The following ANKRD23 variants were observed in gnomAD, a reference collection of about 807,000 sequenced individuals.
ANKRD23 encodes ankyrin repeat domain 23, also known as ankyrin repeat domain-containing protein 23.
In ANKRD23, 52 loss-of-function variants were observed where a neutral mutation model predicts 38.1. The ratio of observed to expected loss-of-function variants is 1.36; its 90% CI spans 1.09 to 1.72. ANKRD23 has a LOEUF of 1.72. Among genes scored for constraint, ANKRD23 ranks in the 40% most tolerant of loss-of-function variants. The pLI, the probability that ANKRD23 is intolerant of heterozygous loss-of-function variation, is 0.00. For synonymous variants in ANKRD23, 167 were observed against 162.9 expected (o/e 1.03, Z -0.19); for missense variants, 416 against 400.2 (o/e 1.04, Z -0.34).
chr2:96,840,313 C>T lies in ANKRD23; in HGVS notation c.543G>A (p.Val181=), dbSNP rs770871544. The change falls in exon 6 of 9, where the codon GTG becomes GTA. Residue 181 remains valine, a synonymous_variant. Coordinates refer to ENST00000318357, the MANE Select transcript of ANKRD23 (RefSeq NM_144994.8). The part of the protein sequence containing the change: ...DARDLLDRTP[V]FWACRGGHLV... ...GATGTCCTCCGCGGCAGGCCCAGAACACAGGTGTCCTGTCCAGCTGCAAAA... is the reference window on the plus strand; with the variant it reads ...GATGTCCTCCGCGGCAGGCCCAGAATACAGGTGTCCTGTCCAGCTGCAAAA... 1 of 1,608,128 alleles carries T rather than the reference C, an allele frequency of 6.2e-7. No individual in the cohort carries two copies. Among genetic ancestry groups the T allele is most frequent in the South Asian group, 1.1e-5 (1 of 90,040 alleles).
Position 96,838,819 on chromosome 2 carries a change from A to G in ANKRD23, c.*730T>C, listed in dbSNP as rs912888579. The G allele has an allele frequency of 6.1e-6, 6 of 985,450 alleles. No individual in the cohort carries two copies. Among genetic ancestry groups the G allele is most frequent in the Non-Finnish European group, 7.2e-6 (6 of 830,028 alleles). 61.0% of individuals were successfully genotyped at this position (985,450 alleles called of 1,614,324 possible). A position where few individuals can be genotyped will look rare whatever the true frequency, so the allele number is the denominator to read the frequency against. On this transcript the variant is annotated 3_prime_UTR_variant, in exon 9 of 9. Transcript: ENST00000318357. ...TTCTCTCAAATGCGCGCTCCAGCTC[A>G]TCAGTCTTAGGGCTTCTGAGGCAAC... is the stretch of plus-strand genomic sequence containing the variant.
chr2:96,841,517 T>C (rs2079760361), intron 3 of ANKRD23, among the ~76,000 whole-genome samples: 1 of 143,740 alleles, frequency 7.0e-6, no homozygotes. Flanking sequence ...GAGAATGGCA[T>C]GAACCCGGGA....
At position 96,842,422 on chromosome 2, in the gene ANKRD23, G is replaced by T. The variant is rs1302119130; in HGVS notation, c.117C>A (p.Gly39=). Residue 39 remains glycine, a synonymous_variant, in exon 2 of 9, where the codon GGC becomes GGA. Transcript: ENST00000318357. ...PGAWPSDWRR[G]PQEAVAREKL... is the part of the protein sequence containing the mutation. ...TCTCCCGGGCCACAGCCTCTTGGGG[G>T]CCCCTCCTCCAGTCACTAGGCCAGG... 2 of 1,613,774 alleles carry T rather than the reference G, an allele frequency of 1.2e-6. No individual in the cohort carries two copies. Among genetic ancestry groups the T allele is most frequent in the Non-Finnish European group, 8.5e-7 (1 of 1,180,020 alleles).
chr2:96,843,819 T>C, intron 1 of ANKRD23, 147 bp downstream of exon 1: 8 of 807,858 alleles, frequency 9.9e-6, no homozygotes, highest in Non-Finnish European at 1.5e-5. Context: ...TTTCAAAAAA[T>C]ACAGATTTTT....
intron 1 of ANKRD23, 29 bp from the exon 2 acceptor site, chr2:96,842,540 T>G: frequency 6.3e-7 from 1 of 1,587,728 alleles, no homozygotes; most frequent in East Asian, 2.2e-5. Context: ...AGTACTGAGT[T>G]GGGAAAATTG....
rs147978079 is a variant in ANKRD23 at position 96,840,284 on chromosome 2, A to G, written c.572T>C (p.Val191Ala). The change falls in exon 6 of 9, where the codon GTC becomes GCC. Residue 191 changes from valine (V) to alanine (A), a missense_variant. Val to Ala is a moderately conservative substitution (Grantham distance 64). Transcript: ENST00000318357. The stretch of plus-strand genomic sequence containing the variant: ...CTGGTTAAGCAGCTGTTTGAGGATG[A>G]CCAGATGTCCTCCGCGGCAGGCCCA... Reference protein sequence around the residue: ...VFWACRGGHLVILKQLLNQGA... With the variant: ...VFWACRGGHLAILKQLLNQGA... The G allele has an allele frequency of 4.3e-6, 7 of 1,611,000 alleles. No individual in the cohort carries two copies. The highest frequency in any genetic ancestry group is 5.1e-6 in the Non-Finnish European group (6 of 1,178,530).
Position 96,839,024 on chromosome 2 carries a change from C to G in ANKRD23, c.*525G>C. On this transcript the variant is annotated 3_prime_UTR_variant, in exon 9 of 9. Transcript: ENST00000318357. ...CAGAGAAAGCCATGCCCACAGGCAT[C>G]CACCAGCTGCAGACAGGCCCGGCCC... The G allele has an allele frequency of 1.0e-6, 1 of 986,064 alleles. No individual in the cohort carries two copies. The highest frequency in any genetic ancestry group is 4.7e-5 in the South Asian group (1 of 21,300). 61.1% of individuals were successfully genotyped at this position (986,064 alleles called of 1,614,324 possible). A position where few individuals can be genotyped will look rare whatever the true frequency, so the allele number is the denominator to read the frequency against.
At chr2:96,840,756 G>T in intron 4 of ANKRD23, 31 bp downstream of exon 4, 2 of 1,613,118 alleles carry the variant, frequency 1.2e-6, no homozygotes, top group Non-Finnish European at 1.7e-6. Context: ...AGCTGCAGCT[G>T]CTGCCAGCCG....
chr2:96,843,080 G>T (rs760198030), intron 1 of ANKRD23, among the ~76,000 whole-genome samples: 2 of 152,208 alleles, frequency 1.3e-5, no homozygotes, highest in Admixed American at 1.3e-4. Context: ...CAAAGCCTCC[G>T]TAGCAAACAC....
Position 96,842,135 on chromosome 2 carries a change from C to G in ANKRD23, c.225G>C (p.Leu75Phe). The G allele has an allele frequency of 6.2e-7, 1 of 1,614,190 alleles. No homozygotes were observed. Among genetic ancestry groups the G allele is most frequent in the Non-Finnish European group, 8.5e-7 (1 of 1,180,038 alleles). Residue 75 changes from leucine (L) to phenylalanine (F), a missense_variant, in exon 3 of 9, where the codon TTG becomes TTC. Physicochemically the swap from Leu to Phe is conservative, Grantham distance 22. Coordinates refer to ENST00000318357, the MANE Select transcript of ANKRD23 (RefSeq NM_144994.8). ...TTTTCCGTCTTTGAACCAAGTTTTC[C>G]AAGTCAGCCAGGTTATCCAGATTAA... ...TRFNLDNLAD[L>F]ENLVQRRKKR...
In ANKRD23 at chr2:96,844,001, CT is replaced by C. The variant is rs1319532869; in HGVS notation, c.-10del. The C allele has an allele frequency of 1.5e-5, 24 of 1,599,784 alleles. No individual in the cohort carries two copies. The highest frequency in any genetic ancestry group is 1.2e-4 in the East Asian group (5 of 43,400). ...ATGCTGATGAAGTCCATGGTCCCCC[CT>C]GTTCCTCACACCCCCCAGTGAGAAG... On this transcript the variant is annotated 5_prime_UTR_variant, in exon 1 of 9. Coordinates refer to ENST00000318357, the MANE Select transcript of ANKRD23 (RefSeq NM_144994.8).
rs2079728128 is a variant in ANKRD23, at chr2:96,839,228, C to T, written c.*321G>A. Reference sequence around the variant, plus strand: ...TGGGTGGCTCCAGCTTGGGACTGCTCCCTTAAGGCTCGTTCTTGGCCCTCA... The same window carrying T: ...TGGGTGGCTCCAGCTTGGGACTGCTTCCTTAAGGCTCGTTCTTGGCCCTCA... On this transcript the variant is annotated 3_prime_UTR_variant, in exon 9 of 9. Coordinates refer to ENST00000318357, the MANE Select transcript of ANKRD23 (RefSeq NM_144994.8). The T allele has an allele frequency of 9.0e-7, 1 of 1,108,232 alleles. No homozygotes were observed. Among genetic ancestry groups the T allele is most frequent in the Non-Finnish European group, 1.1e-6 (1 of 909,964 alleles). 68.6% of individuals were successfully genotyped at this position (1,108,232 alleles called of 1,614,324 possible). A position where few individuals can be genotyped will look rare whatever the true frequency, so the allele number is the denominator to read the frequency against.
At position 96,839,742 on chromosome 2, in the gene ANKRD23, C is replaced by A. The variant is rs761290975; in HGVS notation, c.807G>T (p.Leu269=). 1 of 1,613,260 alleles carries A rather than the reference C, an allele frequency of 6.2e-7. No individual in the cohort carries two copies. Residue 269 remains leucine (L), a synonymous_variant, in exon 8 of 9, where the codon CTG becomes CTT. Coordinates refer to ENST00000318357, the MANE Select transcript of ANKRD23 (RefSeq NM_144994.8). ...CCACACTCACCGCGTTCCGCACCCCCAGCTCGGCCCCATAGAGCAGCAGTA... is the reference window on the plus strand; with the variant it reads ...CCACACTCACCGCGTTCCGCACCCCAAGCTCGGCCCCATAGAGCAGCAGTA... ...MKLLLLYGAE[L]GVRNAASVTP... is the part of the protein sequence containing the mutation.
chr2:96,839,381 G>C lies in ANKRD23; in HGVS notation c.*168C>G. The C allele has an allele frequency of 7.9e-7, 1 of 1,264,198 alleles. No homozygotes were observed. The highest frequency in any genetic ancestry group is 9.9e-7 in the Non-Finnish European group (1 of 1,007,760). The allele number at this position is 1,264,198 out of a possible 1,614,324, so 78.3% of individuals were successfully genotyped here. A position where few individuals can be genotyped will look rare whatever the true frequency, so the allele number is the denominator to read the frequency against. On this transcript the variant is annotated 3_prime_UTR_variant, in exon 9 of 9. Transcript: ENST00000318357. Reference sequence around the variant, plus strand: ...GCCAGGGAGGCCTCTCTCTTTGCCTGCTGGGCCCGGTGCCGCTCTTCAGTT... The same window carrying C: ...GCCAGGGAGGCCTCTCTCTTTGCCTCCTGGGCCCGGTGCCGCTCTTCAGTT...
At chr2:96,840,751 C>T (rs1364121611) in intron 4 of ANKRD23, 36 bp downstream of exon 4, 1 of 1,612,496 alleles carries the variant, frequency 6.2e-7, no homozygotes, top group African/African-American at 1.3e-5. Context: ...CCTGCAGCTG[C>T]AGCTGCTGCC....
In ANKRD23 at chr2:96,838,683, A is replaced by C; in HGVS notation, c.*866T>G. On this transcript the variant is annotated 3_prime_UTR_variant, in exon 9 of 9. Coordinates refer to ENST00000318357, the MANE Select transcript of ANKRD23 (RefSeq NM_144994.8). ...TTACGGGCCACTGCCCCAAGAGTTG[A>C]GTGGGCCACAAGCAATCCCCAGTGC... is the stretch of plus-strand genomic sequence containing the variant. 1.0e-6 allele frequency: 1 copy of C among 985,568 alleles called. No homozygotes were observed. Among genetic ancestry groups the C allele is most frequent in the Non-Finnish European group, 1.2e-6 (1 of 830,040 alleles). The allele number at this position is 985,568 out of a possible 1,614,324, so 61.1% of individuals were successfully genotyped here.
Position 96,840,755 on chromosome 2 carries a change from T to C in ANKRD23, c.426+32A>G, listed in dbSNP as rs771686209. 18 of 1,613,180 alleles carry C rather than the reference T, an allele frequency of 1.1e-5. No individual in the cohort carries two copies. In the South Asian group the frequency reaches 1.2e-4, roughly 11 times the overall value. ...AAGGCAGCGCTCCTGCAGCTGCAGC[T>C]GCTGCCAGCCGACTCACCCAACCTG... On this transcript the variant is annotated intron_variant, in intron 4 of 8. Coordinates refer to ENST00000318357, the MANE Select transcript of ANKRD23 (RefSeq NM_144994.8).
chr2:96,840,674 A>G, intron 4 of ANKRD23, 113 bp downstream of exon 4: 1 of 1,542,798 alleles, frequency 6.5e-7, no homozygotes, highest in Non-Finnish European at 8.8e-7. Context: ...CACTGGATTC[A>G]TGCCCATAAG....
intron 1 of ANKRD23, among the ~76,000 whole-genome samples, chr2:96,843,039 G>A (rs2079779001): frequency 6.6e-6 from 1 of 152,224 alleles, no homozygotes; most frequent in Non-Finnish European, 1.5e-5. Flanking sequence ...GAGTTGTGAA[G>A]GTTATGAGTT....
Sources: gnomAD v4.1 joint callset for allele counts (sites outside exome capture counted in the v4.1 genomes callset) on GRCh38, gnomAD v4.1.1 for gene constraint, MANE v1.5 for transcripts, NCBI Gene and HGNC (gene_info 2026-07-23, HGNC 2026-07-21) for gene names.